The following LRCH2 variants were observed in gnomAD, a reference collection of about 807,000 sequenced individuals.
The protein encoded by LRCH2 is leucine rich repeats and calponin homology domain containing 2.
A neutral mutation model predicts 68.9 loss-of-function variants in LRCH2; 38 were observed. That is an observed-to-expected ratio of 0.55 (90% confidence interval 0.43 to 0.72). The LOEUF is 0.72. LRCH2 is among the 30% of genes least tolerant of loss of function. LRCH2 has a pLI of 0.00. For missense variants in LRCH2, 528 were observed against 572.9 expected, an observed-to-expected ratio of 0.92 and a Z score of 0.80; for synonymous variants, 191 against 208.1, an observed-to-expected ratio of 0.92 and a Z score of 0.71.
intron 14 of LRCH2, among the ~76,000 whole-genome samples, chrX:115,135,295 T>A (rs956618430): frequency 1.1e-4 from 12 of 107,658 alleles, no homozygotes; most frequent in African/African-American, 4.1e-4. Context: ...GACCAGCTAA[T>A]TTTTTTGTAT....
chrX:115,125,686 AATT>A, intron 16 of LRCH2, among the ~76,000 whole-genome samples: 1 of 94,747 alleles, frequency 1.1e-5, no homozygotes, highest in Non-Finnish European at 2.1e-5. Flanking sequence ...TATCAATGTA[AATT>A]ATTTGGGAAA....
In LRCH2 at chrX:115,156,657, G is replaced by A. The variant is rs1292547739; in HGVS notation, c.1474C>T (p.His492Tyr). The change falls in exon 12 of 21, where the codon CAT becomes TAT. Residue 492 changes from histidine to tyrosine, a missense_variant. By Grantham distance (83) the His-to-Tyr change is moderately conservative. Coordinates refer to ENST00000317135, the MANE Select transcript of LRCH2 (RefSeq NM_020871.4). ...TTGTTTCTCATCACAGAAGTTGAAT[G>A]ATTAAGAATCCTAGAAGTAAATCAA... is the stretch of plus-strand genomic sequence containing the variant. Reference protein sequence around the residue: ...QQEQKNRILNHSTSVMRNKPK... With the variant: ...QQEQKNRILNYSTSVMRNKPK... The A allele has an allele frequency of 2.7e-6, 3 of 1,124,641 alleles. No homozygotes were observed. In the Admixed American group the frequency reaches 8.6e-5, roughly 32 times the overall value. The allele number at this position is 1,124,641 out of a possible 1,213,427, so 92.7% of individuals were successfully genotyped here.
chrX:115,194,217 C>G (rs782328884), intron 1 of LRCH2, among the ~76,000 whole-genome samples: 33 of 111,213 alleles, frequency 3.0e-4, no homozygotes, highest in Non-Finnish European at 5.3e-4. Context: ...CAAAAAATAG[C>G]TATGTTTATA....
intron 1 of LRCH2, chrX:115,192,045 G>A (rs376362381): frequency 4.0e-4 from 463 of 1,165,447 alleles, no homozygotes; most frequent in Non-Finnish European, 5.1e-4. Flanking sequence ...GAGGCCGCTC[G>A]CACGACACCC....
intron 14 of LRCH2, among the ~76,000 whole-genome samples, chrX:115,144,006 C>A (rs1053321436): frequency 1.8e-5 from 2 of 111,907 alleles, no homozygotes; most frequent in Admixed American, 9.5e-5. Context: ...GTAACTCACA[C>A]GATTCACAAG....
intron 1 of LRCH2, chrX:115,192,031 T>C: frequency 8.6e-7 from 1 of 1,164,843 alleles, no homozygotes; most frequent in East Asian, 3.3e-5. Context: ...CTACGAAGAG[T>C]ACCGAGGCCG....
intron 1 of LRCH2, among the ~76,000 whole-genome samples, chrX:115,200,650 T>C (rs1250446158): frequency 3.8e-5 from 4 of 104,926 alleles, no homozygotes; most frequent in African/African-American, 1.0e-4. Flanking sequence ...AAAAAAAAAA[T>C]CCCAATAAAG....
intron 1 of LRCH2, chrX:115,191,092 G>A (rs2072806112): frequency 2.6e-6 from 3 of 1,162,331 alleles, no homozygotes; most frequent in South Asian, 1.9e-5. Context: ...TGGAGGAGAA[G>A]GCCGCTATGA....
chrX:115,148,686 G>C (rs1018804935), intron 14 of LRCH2, among the ~76,000 whole-genome samples: 3 of 111,556 alleles, frequency 2.7e-5, no homozygotes, highest in African/African-American at 9.8e-5. Flanking sequence ...TAAAGGGTTA[G>C]GATAAATAAA....
In LRCH2 at chrX:115,171,970, C is replaced by T. The variant is rs782357117; in HGVS notation, c.865-1538G>A. On this transcript the variant is annotated intron_variant, in intron 5 of 20. Transcript: ENST00000317135. ...TGCTGGGATTACAGGCATGAACCAC[C>T]GTGCCCAGCCCATTCTAATTATTTC... 4.5e-5 allele frequency among the ~76,000 whole-genome samples: 5 copies of T among 111,175 alleles called. No individual in the cohort carries two copies. The East Asian group carries it at 8.5e-4, about 19-fold the overall frequency.
chrX:115,140,721 G>A (rs1322145387), intron 14 of LRCH2, among the ~76,000 whole-genome samples: 1 of 111,717 alleles, frequency 9.0e-6, no homozygotes, highest in Admixed American at 9.5e-5. Flanking sequence ...CCATGGGCCA[G>A]TGGTGGTGGT....
At chrX:115,183,293 T>G (rs2072707973) in intron 3 of LRCH2, among the ~76,000 whole-genome samples, 1 of 112,030 alleles carries the variant, frequency 8.9e-6, no homozygotes, top group Admixed American at 9.5e-5. Context: ...CTGAAATTTC[T>G]GCTCATTACA....
At chrX:115,128,153 G>A (rs1178612907) in intron 15 of LRCH2, among the ~76,000 whole-genome samples, 5 of 112,097 alleles carry the variant, frequency 4.5e-5, no homozygotes, top group African/African-American at 1.6e-4. Context: ...AAATATTTTA[G>A]TGCAAATAAA....
chrX:115,180,040 A>T (rs1220611342), intron 3 of LRCH2, among the ~76,000 whole-genome samples: 3 of 110,852 alleles, frequency 2.7e-5, no homozygotes, highest in Admixed American at 9.7e-5. Flanking sequence ...ACCAGCCAAA[A>T]CCAGAAGTAA....
chrX:115,172,218 T>C (rs2072610059), intron 5 of LRCH2, among the ~76,000 whole-genome samples: 1 of 111,312 alleles, frequency 9.0e-6, no homozygotes. Context: ...TAAACATACT[T>C]CTCTCTTCAG....
chrX:115,184,106 C>T (rs782728440), intron 3 of LRCH2, among the ~76,000 whole-genome samples: 1 of 111,999 alleles, frequency 8.9e-6, no homozygotes, highest in South Asian at 3.7e-4. Flanking sequence ...CTTAGCTTTC[C>T]TCTAAGACCT....
chrX:115,192,569 C>G (rs2072852501), intron 1 of LRCH2: 14 of 1,170,332 alleles, frequency 1.2e-5, no homozygotes, highest in Non-Finnish European at 1.5e-5. Context: ...TACAGCCGGT[C>G]AGGCTGCAGG....
chrX:115,121,707 G>A (rs1165384851), intron 20 of LRCH2, among the ~76,000 whole-genome samples: 4 of 111,762 alleles, frequency 3.6e-5, no homozygotes, highest in Admixed American at 1.9e-4. Context: ...ATATACAAGA[G>A]GTAATTAGAG....
In LRCH2 at chrX:115,190,394, G is replaced by A. The variant is rs1432153392; in HGVS notation, c.350-2024C>T. 3 of 1,162,015 alleles carry A rather than the reference G, an allele frequency of 2.6e-6. No individual in the cohort carries two copies. The African/African-American group carries it at 5.4e-5, about 21-fold the overall frequency. Reference sequence around the variant, plus strand: ...CCATGCGGCGCTGCCCCTGTGTGGGGGACACCGCCATCTTATGGAGGAGGA... The same window carrying A: ...CCATGCGGCGCTGCCCCTGTGTGGGAGACACCGCCATCTTATGGAGGAGGA... On this transcript the variant is annotated intron_variant, in intron 1 of 20. Transcript: ENST00000317135.
Sources: gnomAD v4.1 joint callset for allele counts (sites outside exome capture counted in the v4.1 genomes callset) on GRCh38, gnomAD v4.1.1 for gene constraint, MANE v1.5 for transcripts, NCBI Gene and HGNC (gene_info 2026-07-23, HGNC 2026-07-21) for gene names.